LIMCH1: variants seen among roughly 807,000 people sequenced by gnomAD.
LIMCH1 encodes LIM and calponin homology domains-containing protein 1.
Under a neutral mutation model 176.5 loss-of-function variants are expected in LIMCH1, and 113 were observed. The observed-to-expected ratio is 0.64, with a 90% CI of 0.55 to 0.75. The LOEUF is 0.75. Among genes scored for constraint, LIMCH1 ranks in the 30% least tolerant of loss-of-function variants. The pLI is 0.00. For synonymous variants in LIMCH1, 619 were observed against 645.9 expected, an observed-to-expected ratio of 0.96 and a Z score of 0.63; for missense variants, 1,674 against 1,814.9, an observed-to-expected ratio of 0.92 and a Z score of 1.41.
chr4:41,678,738 G>A (rs116286846), intron 23 of LIMCH1, among the ~76,000 whole-genome samples: 1,815 of 152,046 alleles, frequency 0.012, 42 homozygotes, highest in African/African-American at 0.041. Context: ...TCGTGTGTGT[G>A]TGTGTGTGAG....
At chr4:41,558,502 A>G (rs1349978391) in intron 1 of LIMCH1, among the ~76,000 whole-genome samples, 3 of 152,086 alleles carry the variant, frequency 2.0e-5, no homozygotes. Flanking sequence ...GCCCAGCCTC[A>G]TATCCTGTCC....
chr4:41,609,313 C>T (rs1278029191), intron 4 of LIMCH1, among the ~76,000 whole-genome samples: 1 of 148,060 alleles, frequency 6.8e-6, no homozygotes, highest in Non-Finnish European at 1.5e-5. Flanking sequence ...TATTTTTTGT[C>T]TTCTTTACTG....
intron 29 of LIMCH1, 62 bp downstream of exon 29, chr4:41,687,979 C>G (rs752711078): frequency 6.1e-6 from 8 of 1,308,952 alleles, no homozygotes; most frequent in Admixed American, 1.7e-5. Context: ...TGCCAAGCAT[C>G]ATTTCAACTG....
chr4:41,403,438 A>C (rs1040946261), intron 1 of LIMCH1, among the ~76,000 whole-genome samples: 2 of 151,884 alleles, frequency 1.3e-5, no homozygotes, highest in Admixed American at 6.6e-5. Flanking sequence ...AAAATTAGCC[A>C]GGGGTGGTGG....
chr4:41,621,905 T>G (rs915303657), intron 7 of LIMCH1, among the ~76,000 whole-genome samples: 8 of 152,140 alleles, frequency 5.3e-5, no homozygotes, highest in African/African-American at 1.9e-4. Flanking sequence ...ATGTGGTTAT[T>G]TATGTGGTCC....
intron 17 of LIMCH1, among the ~76,000 whole-genome samples, chr4:41,647,621 A>G (rs1193832326): frequency 6.6e-6 from 1 of 152,224 alleles, no homozygotes; most frequent in Non-Finnish European, 1.5e-5. Context: ...GTAAAGAAAA[A>G]TCAGTTCCCC....
intron 1 of LIMCH1, among the ~76,000 whole-genome samples, chr4:41,579,684 T>C (rs2085079979): frequency 6.6e-6 from 1 of 152,242 alleles, no homozygotes. Flanking sequence ...CAAAATTGCT[T>C]TAAGTCTTTT....
chr4:41,638,678 G>A (rs1188927016), intron 13 of LIMCH1, among the ~76,000 whole-genome samples: 5 of 152,102 alleles, frequency 3.3e-5, no homozygotes, highest in African/African-American at 7.2e-5. Flanking sequence ...TTCTTTTTGG[G>A]TAGTGTGGGG....
At position 41,454,367 on chromosome 4, in the gene LIMCH1, A is replaced by C. The variant is rs911015076; in HGVS notation, c.97-40169A>C. 2.0e-5 allele frequency among the ~76,000 whole-genome samples: 3 copies of C among 152,118 alleles called. No homozygotes were observed. In the East Asian group the frequency reaches 5.8e-4, roughly 29 times the overall value. On this transcript the variant is annotated intron_variant, in intron 1 of 26. Transcript: ENST00000313860. The stretch of plus-strand genomic sequence containing the variant: ...GTAAAGAAATTGTTTAAAGACTTCC[A>C]CTTGCACTCTGAAAAAAATTTTATG...
At chr4:41,530,757 T>C (rs1025883777) in intron 3 of LIMCH1, among the ~76,000 whole-genome samples, 1 of 127,548 alleles carries the variant, frequency 7.8e-6, no homozygotes, top group Non-Finnish European at 1.5e-5. Flanking sequence ...ATTGTGCCAT[T>C]GCACTCCAGC....
At chr4:41,468,642 A>G (rs1020506846) in intron 1 of LIMCH1, among the ~76,000 whole-genome samples, 1 of 151,988 alleles carries the variant, frequency 6.6e-6, no homozygotes, top group Non-Finnish European at 1.5e-5. Flanking sequence ...TCTAAAATGT[A>G]ACACATTACC....
At chr4:41,443,162 GA>G (rs928531421) in intron 1 of LIMCH1, among the ~76,000 whole-genome samples, 2 of 132,296 alleles carry the variant, frequency 1.5e-5, no homozygotes, top group African/African-American at 5.0e-5. Context: ...AAGGTAAAGA[GA>G]AAAAAAAATC....
intron 1 of LIMCH1, among the ~76,000 whole-genome samples, chr4:41,488,816 ATAT>A (rs1246204390): frequency 1.1e-4 from 16 of 152,168 alleles, no homozygotes; most frequent in African/African-American, 3.6e-4. Context: ...TCTGGTTTCG[ATAT>A]CAGGGTAATA....
intron 23 of LIMCH1, 42 bp downstream of exon 23, chr4:41,676,504 T>C (rs1168972498): frequency 7.1e-7 from 1 of 1,413,856 alleles, no homozygotes; most frequent in African/African-American, 1.4e-5. Flanking sequence ...TCCTTTTTTG[T>C]CCTCTTGCTT....
chr4:41,694,154 TA>T (rs1235418129), intron 31 of LIMCH1, among the ~76,000 whole-genome samples: 1 of 152,188 alleles, frequency 6.6e-6, no homozygotes, highest in Non-Finnish European at 1.5e-5. Flanking sequence ...ATTTTTTCTT[TA>T]TTTTATATGT....
intron 6 of LIMCH1, chr4:41,619,646 A>G (rs750032025): frequency 2.6e-5 from 16 of 626,956 alleles, no homozygotes; most frequent in Non-Finnish European, 4.4e-5. Flanking sequence ...TGCCTGGCAC[A>G]CAGTAGGTAT....
upstream of LIMCH1, among the ~76,000 whole-genome samples, chr4:41,534,032 G>T (rs996208237): frequency 1.3e-5 from 2 of 152,170 alleles, no homozygotes; most frequent in South Asian, 4.1e-4. Flanking sequence ...GACTCATTTT[G>T]TGTGCAGTAA....
At chr4:41,412,633 T>C (rs1377581713) in intron 1 of LIMCH1, among the ~76,000 whole-genome samples, 2 of 152,192 alleles carry the variant, frequency 1.3e-5, no homozygotes, top group Non-Finnish European at 2.9e-5. Context: ...TTGCATTATA[T>C]TCTAATACCA....
In LIMCH1 at chr4:41,642,507, TCTC is replaced by T. The variant is rs201595120; in HGVS notation, c.2127-1989_2127-1987del. On this transcript the variant is annotated intron_variant, in intron 14 of 31. Coordinates refer to ENST00000503057, the MANE Select transcript of LIMCH1 (RefSeq NM_001330672.2). ...AAAATAGATGAAAAATCACAGCCCT[TCTC>T]CTCTATCGAGGACTACAGTTTCTTT... Among the ~76,000 whole-genome samples, 689 of 152,166 alleles carry T rather than the reference TCTC, an allele frequency of 4.5e-3. 7 individuals carry two copies. Among genetic ancestry groups the T allele is most frequent in the East Asian group, 0.03 (153 of 5,168 alleles).
Sources: allele counts gnomAD v4.1 joint callset (sites outside exome capture counted in the v4.1 genomes callset), GRCh38; gene constraint gnomAD v4.1.1; transcripts MANE v1.5; gene names NCBI Gene and HGNC (gene_info 2026-07-23, HGNC 2026-07-21).